The following ATP11B variants were observed in gnomAD, a reference collection of about 807,000 sequenced individuals.
ATP11B encodes the protein phospholipid-transporting ATPase IF.
In ATP11B, 81 loss-of-function variants were observed where a neutral mutation model predicts 157.8. That is an observed-to-expected ratio of 0.51 (90% confidence interval 0.43 to 0.62). ATP11B has a LOEUF of 0.62. Among genes scored for constraint, ATP11B ranks in the 20% least tolerant of loss-of-function variants. The probability of loss-of-function intolerance (pLI) is 0.00; values close to 1 mark genes in which losing one functional copy is unlikely to be tolerated. For synonymous variants in ATP11B, 451 were observed against 469.4 expected, an observed-to-expected ratio of 0.96 and a Z score of 0.51; for missense variants, 1,165 against 1,402.2, an observed-to-expected ratio of 0.83 and a Z score of 2.70.
At chr3:182,886,525 T>C (rs1454476086) in intron 23 of ATP11B, among the ~76,000 whole-genome samples, 1 of 152,180 alleles carries the variant, frequency 6.6e-6, no homozygotes, top group Non-Finnish European at 1.5e-5. Context: ...ATGTAATTTG[T>C]TAGCAATAGT....
At chr3:182,855,675 A>G (rs1320303750) in intron 10 of ATP11B, among the ~76,000 whole-genome samples, 6 of 152,126 alleles carry the variant, frequency 3.9e-5, no homozygotes, top group African/African-American at 7.2e-5. Flanking sequence ...CTCAAACTCA[A>G]TAGTAATTCA....
Position 182,829,744 on chromosome 3 carries a change from A to G in ATP11B, c.307A>G (p.Ile103Val), listed in dbSNP as rs762387294. 3 of 1,603,414 alleles carry G rather than the reference A, an allele frequency of 1.9e-6. No homozygotes were observed. Among genetic ancestry groups the G allele is most frequent in the Admixed American group, 1.7e-5 (1 of 58,880 alleles). ...ATTCTTTGTGATAACAGTAACTGCCATAAAGCAGGTATGAAATACTTTCTT... is the reference window on the plus strand; with the variant it reads ...ATTCTTTGTGATAACAGTAACTGCCGTAAAGCAGGTATGAAATACTTTCTT... ...PLFFVITVTA[I>V]KQGYEDWLRH... Residue 103 changes from isoleucine to valine, a missense_variant, in exon 4 of 30, where the codon ATA becomes GTA. Physicochemically the swap from Ile to Val is conservative, Grantham distance 29. Around this residue, in one of 4 missense-constraint regions of ATP11B, gnomAD observed 34 missense variants for 79.6 expected, o/e 0.43. Coordinates refer to ENST00000323116, the MANE Select transcript of ATP11B (RefSeq NM_014616.3).
In ATP11B at chr3:182,865,647, T is replaced by C. The variant is rs761971164; in HGVS notation, c.1392T>C (p.His464=). ...TATCCCATCTTAACAACTTATCCCATCTTACAACCAGTTCCTCTTTCAGAA... is the reference window on the plus strand; with the variant it reads ...TATCCCATCTTAACAACTTATCCCACCTTACAACCAGTTCCTCTTTCAGAA... The part of the protein sequence containing the change: ...SSLSHLNNLS[H]LTTSSSFRTS... Residue 464 remains histidine, a synonymous_variant, in exon 13 of 30, where the codon CAT becomes CAC. Coordinates refer to ENST00000323116, the MANE Select transcript of ATP11B (RefSeq NM_014616.3). 2.5e-6 allele frequency: 4 copies of C among 1,613,596 alleles called. No homozygotes were observed. The East Asian group carries it at 8.9e-5, about 36-fold the overall frequency.
intron 9 of ATP11B, 46 bp from the exon 10 acceptor site, chr3:182,848,430 C>A: frequency 9.5e-7 from 1 of 1,047,170 alleles, no homozygotes; most frequent in Non-Finnish European, 1.3e-6. Context: ...TCTTGTGAAA[C>A]ATGCTAGAGG....
At chr3:182,909,792 G>C (rs535078803) in intron 28 of ATP11B, among the ~76,000 whole-genome samples, 1 of 151,970 alleles carries the variant, frequency 6.6e-6, no homozygotes, top group Non-Finnish European at 1.5e-5. Flanking sequence ...GGCTGGCCAC[G>C]GTGGCTCATG....
chr3:182,838,208 C>G (rs1001230375), intron 7 of ATP11B, among the ~76,000 whole-genome samples: 5 of 151,808 alleles, frequency 3.3e-5, no homozygotes, highest in Non-Finnish European at 5.9e-5. Flanking sequence ...TAACTAAAAA[C>G]TTTGGAATCA....
intron 28 of ATP11B, among the ~76,000 whole-genome samples, chr3:182,900,590 T>A (rs1723886173): frequency 1.3e-5 from 2 of 150,346 alleles, no homozygotes; most frequent in Admixed American, 6.6e-5. Flanking sequence ...ATCTTATTAT[T>A]CCTAATCTTC....
At chr3:182,890,817 C>T (rs1382744415) in intron 25 of ATP11B, among the ~76,000 whole-genome samples, 2 of 152,042 alleles carry the variant, frequency 1.3e-5, no homozygotes, top group Non-Finnish European at 2.9e-5. Context: ...AGAAAATTAA[C>T]CTCAGAGAGG....
At chr3:182,864,712 A>G (rs775996981) in intron 12 of ATP11B, among the ~76,000 whole-genome samples, 1 of 151,950 alleles carries the variant, frequency 6.6e-6, no homozygotes, top group Non-Finnish European at 1.5e-5. Flanking sequence ...TGTGATTTCT[A>G]CATCCCTTTT....
chr3:182,873,676 T>C (rs1328780024), intron 18 of ATP11B, 136 bp from the exon 19 acceptor site: 8 of 682,186 alleles, frequency 1.2e-5, no homozygotes, highest in Non-Finnish European at 1.9e-5. Flanking sequence ...ATTCCAGTTA[T>C]ATTGCTATAT....
intron 27 of ATP11B, among the ~76,000 whole-genome samples, 199 bp from the exon 28 acceptor site, chr3:182,898,408 A>G (rs931433745): frequency 2.6e-5 from 4 of 152,144 alleles, no homozygotes; most frequent in African/African-American, 7.2e-5. Flanking sequence ...CCATTTTCCT[A>G]ATAAAAACTA....
At chr3:182,884,215 G>A (rs1378300911) in intron 21 of ATP11B, among the ~76,000 whole-genome samples, 2 of 151,918 alleles carry the variant, frequency 1.3e-5, no homozygotes, top group Non-Finnish European at 1.5e-5. Context: ...AGGAAATGTT[G>A]CACTGATTTC....
rs368278727 is a variant in ATP11B at position 182,848,483 on chromosome 3, G to A, written c.777G>A (p.Ala259=). ...LKNTKEIFGV[A]VYTGMETKMA... is the part of the protein sequence containing the mutation. Reference sequence around the variant, plus strand: ...TTTTGTTTTATTTTACAGGTGTTGCGGTATACACTGGAATGGAAACTAAGA... The same window carrying A: ...TTTTGTTTTATTTTACAGGTGTTGCAGTATACACTGGAATGGAAACTAAGA... The change falls in exon 10 of 30, where the codon GCG becomes GCA. Residue 259 remains alanine (A), a synonymous_variant. Coordinates refer to ENST00000323116, the MANE Select transcript of ATP11B (RefSeq NM_014616.3). 58 of 1,526,366 alleles carry A rather than the reference G, an allele frequency of 3.8e-5. No individual in the cohort carries two copies. Among genetic ancestry groups the A allele is most frequent in the African/African-American group, 7.0e-5 (5 of 71,898 alleles). The allele number at this position is 1,526,366 out of a possible 1,614,324, so 94.6% of individuals were successfully genotyped here. A position where few individuals can be genotyped will look rare whatever the true frequency, so the allele number is the denominator to read the frequency against.
chr3:182,898,094 C>A (rs1486519270), intron 27 of ATP11B, among the ~76,000 whole-genome samples: 1 of 151,988 alleles, frequency 6.6e-6, no homozygotes, highest in Admixed American at 6.6e-5. Flanking sequence ...TAAAAGGATA[C>A]TCTTATGAAT....
At chr3:182,898,542 A>C in intron 27 of ATP11B, 65 bp from the exon 28 acceptor site, 2 of 1,342,204 alleles carry the variant, frequency 1.5e-6, no homozygotes, top group Non-Finnish European at 2.0e-6. Context: ...TAGTGTCTTT[A>C]TATGATGTCC....
intron 1 of ATP11B, among the ~76,000 whole-genome samples, chr3:182,816,700 A>G (rs1716987399): frequency 6.6e-6 from 1 of 152,208 alleles, no homozygotes; most frequent in African/African-American, 2.4e-5. Context: ...TTTTAAGTTA[A>G]GTACTTTTAA....
chr3:182,901,172 C>A (rs1193739570), intron 28 of ATP11B, among the ~76,000 whole-genome samples: 1 of 151,434 alleles, frequency 6.6e-6, no homozygotes, highest in Admixed American at 6.6e-5. Flanking sequence ...GACTCCATCT[C>A]AGAAAATAAT....
chr3:182,917,136 T>C, intron 29 of ATP11B: 2 of 985,318 alleles, frequency 2.0e-6, no homozygotes, highest in Non-Finnish European at 2.4e-6. Context: ...CAAAGGTGAA[T>C]TGGGGCCTTT....
chr3:182,889,021 C>T (rs1722990151), intron 24 of ATP11B, among the ~76,000 whole-genome samples: 1 of 151,972 alleles, frequency 6.6e-6, no homozygotes, highest in Non-Finnish European at 1.5e-5. Flanking sequence ...TGCCAACATG[C>T]CCAGCTAATT....
Sources: allele counts gnomAD v4.1 joint callset (sites outside exome capture counted in the v4.1 genomes callset), GRCh38; gene constraint gnomAD v4.1.1; regional missense constraint gnomAD v4.1.1; transcripts MANE v1.5; gene names NCBI Gene and HGNC (gene_info 2026-07-23, HGNC 2026-07-21).